DHRS7B: variants seen among roughly 807,000 people sequenced by gnomAD.
DHRS7B encodes the protein dehydrogenase/reductase 7B.
In DHRS7B, 24 loss-of-function variants were observed where a neutral mutation model predicts 26.4. The observed-to-expected ratio is 0.91, with a 90% CI of 0.66 to 1.28. The LOEUF is 1.28. Ranked by LOEUF, DHRS7B falls within the 50% of genes most tolerant of loss-of-function variation. The probability of loss-of-function intolerance (pLI) is 0.00; values close to 1 mark genes in which losing one functional copy is unlikely to be tolerated. For missense variants in DHRS7B, 368 were observed against 419.4 expected (o/e 0.88, Z 1.07); for synonymous variants, 142 against 166.4 (o/e 0.85, Z 1.13).
intron 2 of DHRS7B, among the ~76,000 whole-genome samples, chr17:21,174,248 C>T (rs1974324540): frequency 2.6e-5 from 4 of 152,236 alleles, no homozygotes; most frequent in Admixed American, 6.5e-5. Context: ...TGGAGTTATG[C>T]AACGAGTCTT....
At chr17:21,178,657 GT>G (rs373480205) in intron 3 of DHRS7B, among the ~76,000 whole-genome samples, 63,883 of 134,588 alleles carry the variant, frequency 0.47, 14,232 homozygotes, top group African/African-American at 0.56. Flanking sequence ...TTTAAAAGGT[GT>G]TTTTTTTTTT....
intron 1 of DHRS7B, among the ~76,000 whole-genome samples, chr17:21,132,344 A>G (rs1037633829): frequency 7.4e-6 from 1 of 134,408 alleles, no homozygotes; most frequent in Non-Finnish European, 1.6e-5. Flanking sequence ...CTTAAAAAAA[A>G]AAAAATATAT....
In DHRS7B at chr17:21,183,865, T is replaced by C; in HGVS notation, c.526+55T>C. Reference sequence around the variant, plus strand: ...AGTGATATGTTGGCATTCTTTTTACTTCACTTGGATCCTTTTCAGCTAAAC... The same window carrying C: ...AGTGATATGTTGGCATTCTTTTTACCTCACTTGGATCCTTTTCAGCTAAAC... On this transcript the variant is annotated intron_variant, in intron 4 of 6. Transcript: ENST00000395511. The C allele has an allele frequency of 3.4e-6, 5 of 1,477,226 alleles. No individual in the cohort carries two copies. The South Asian group carries it at 3.5e-5, about 10-fold the overall frequency. 91.5% of individuals were successfully genotyped at this position (1,477,226 alleles called of 1,614,324 possible). A position where few individuals can be genotyped will look rare whatever the true frequency, so the allele number is the denominator to read the frequency against.
intron 1 of DHRS7B, among the ~76,000 whole-genome samples, chr17:21,171,296 C>T (rs1179785292): frequency 1.3e-5 from 2 of 152,260 alleles, no homozygotes; most frequent in Non-Finnish European, 2.9e-5. Context: ...TAAGAATCAA[C>T]TGCACACTGT....
At chr17:21,154,127 T>C (rs1382409000) in intron 1 of DHRS7B, among the ~76,000 whole-genome samples, 2 of 151,978 alleles carry the variant, frequency 1.3e-5, no homozygotes, top group Admixed American at 1.3e-4. Context: ...TGGCCAAACA[T>C]GGTGAAACCC....
At chr17:21,145,249 C>G (rs955409174) in intron 1 of DHRS7B, among the ~76,000 whole-genome samples, 2 of 151,606 alleles carry the variant, frequency 1.3e-5, no homozygotes, top group African/African-American at 2.4e-5. Context: ...GCATGAACCC[C>G]GGAGGTGGAG....
At chr17:21,164,550 G>C (rs984888984) in intron 1 of DHRS7B, among the ~76,000 whole-genome samples, 2 of 152,216 alleles carry the variant, frequency 1.3e-5, no homozygotes, top group African/African-American at 4.8e-5. Context: ...GCCTCGGCCA[G>C]GTGCGGTGTT....
intron 1 of DHRS7B, among the ~76,000 whole-genome samples, chr17:21,149,340 A>G (rs1440105066): frequency 1.2e-4 from 18 of 152,250 alleles, no homozygotes; most frequent in Admixed American, 1.0e-3. Context: ...CACTAAACCC[A>G]TCTTACAAGA....
intron 5 of DHRS7B, among the ~76,000 whole-genome samples, chr17:21,186,336 A>T (rs1296593555): frequency 6.6e-6 from 1 of 152,246 alleles, no homozygotes; most frequent in African/African-American, 2.4e-5. Context: ...GAGAACTCAC[A>T]GCCTGAGAGC....
At chr17:21,140,873 G>T (rs960376684) in intron 1 of DHRS7B, among the ~76,000 whole-genome samples, 2 of 152,018 alleles carry the variant, frequency 1.3e-5, no homozygotes, top group African/African-American at 4.8e-5. Context: ...CTCATTCTTC[G>T]ATTATTTGCT....
chr17:21,141,620 A>G (rs1265826564), intron 1 of DHRS7B, among the ~76,000 whole-genome samples: 1 of 107,684 alleles, frequency 9.3e-6, no homozygotes, highest in African/African-American at 3.5e-5. Context: ...GCAAGAAAGC[A>G]AAAAAAAAAA....
At chr17:21,152,656 T>C (rs941330697) in intron 1 of DHRS7B, among the ~76,000 whole-genome samples, 1 of 152,220 alleles carries the variant, frequency 6.6e-6, no homozygotes. Flanking sequence ...CTTTGAAATA[T>C]GCCAGAGCAT....
intron 1 of DHRS7B, among the ~76,000 whole-genome samples, chr17:21,140,022 CTTTT>C (rs201900387): frequency 2.1e-4 from 22 of 106,688 alleles, no homozygotes; most frequent in Non-Finnish European, 3.7e-4. Context: ...CTTTCAGATT[CTTTT>C]TTTTTTTTTT....
intron 1 of DHRS7B, among the ~76,000 whole-genome samples, chr17:21,167,330 G>A (rs866476216): frequency 8.5e-5 from 13 of 152,124 alleles, no homozygotes; most frequent in Admixed American, 2.0e-4. Flanking sequence ...CACCCTTAGC[G>A]GGACTTTGCT....
At chr17:21,177,758 C>A (rs1230416944) in intron 2 of DHRS7B, among the ~76,000 whole-genome samples, 1 of 152,342 alleles carries the variant, frequency 6.6e-6, no homozygotes, top group East Asian at 1.9e-4. Context: ...GGAAGGGCCT[C>A]GGTCCCCTGC....
In DHRS7B at chr17:21,178,353, G is replaced by A. The variant is rs1389649173; in HGVS notation, c.309+11G>A. The A allele has an allele frequency of 6.2e-7, 1 of 1,611,660 alleles. No homozygotes were observed. The highest frequency in any genetic ancestry group is 8.5e-7 in the Non-Finnish European group (1 of 1,178,360). On this transcript the variant is annotated intron_variant, in intron 3 of 6. Coordinates refer to ENST00000395511, the MANE Select transcript of DHRS7B (RefSeq NM_015510.5). ...TCTCATGCCACCAAGGTGAGCCAGG[G>A]GCGTGCTTTCCATGGGGAAGGAGTG...
intron 1 of DHRS7B, among the ~76,000 whole-genome samples, chr17:21,133,564 A>G (rs1973284021): frequency 6.6e-6 from 1 of 152,254 alleles, no homozygotes; most frequent in South Asian, 2.1e-4. Flanking sequence ...AATGGGAGGC[A>G]GGTTTGCCCT....
chr17:21,175,353 C>A (rs535795933), intron 2 of DHRS7B, among the ~76,000 whole-genome samples: 1 of 152,240 alleles, frequency 6.6e-6, no homozygotes, highest in Non-Finnish European at 1.5e-5. Context: ...CCCCTCTGAC[C>A]TTTCCTTCCC....
intron 1 of DHRS7B, among the ~76,000 whole-genome samples, chr17:21,164,030 C>CTTTATTTTTTTTTT (rs1974055283): frequency 1.0e-5 from 1 of 96,976 alleles, no homozygotes; most frequent in Non-Finnish European, 1.9e-5. Context: ...AATTGTTGTG[C>CTTTATTTTTTTTTT]TTTTTTTTTT....
Sources: allele counts gnomAD v4.1 joint callset (sites outside exome capture counted in the v4.1 genomes callset), GRCh38; gene constraint gnomAD v4.1.1; transcripts MANE v1.5; gene names NCBI Gene and HGNC (gene_info 2026-07-23, HGNC 2026-07-21).